Variants in HSP90AA1 observed in about 807,000 individuals in gnomAD.
The protein encoded by HSP90AA1 is heat shock protein 90 alpha family class A member 1, also known as heat shock protein HSP 90-alpha.
HSP90AA1 carries 18 observed loss-of-function variants against 73.3 expected under a neutral mutation model. That is an observed-to-expected ratio of 0.25 (90% CI 0.17 to 0.36). The LOEUF is 0.36. Among genes scored for constraint, HSP90AA1 ranks in the 10% least tolerant of loss-of-function variants. HSP90AA1 has a pLI of 1.00. For missense variants in HSP90AA1, 704 were observed against 874.2 expected (o/e 0.81, Z 2.45); for synonymous variants, 477 against 296.9 (o/e 1.61, Z -6.24).
chr14:102,090,454 C>CTT (rs371474412), upstream of HSP90AA1, among the ~76,000 whole-genome samples: 35 of 118,784 alleles, frequency 2.9e-4, no homozygotes, highest in South Asian at 1.2e-3. Flanking sequence ...CAACATATTT[C>CTT]TTTTTTTTTT....
At chr14:102,125,398 C>T (rs1166611377) in intron 1 of HSP90AA1, among the ~76,000 whole-genome samples, 1 of 152,164 alleles carries the variant, frequency 6.6e-6, no homozygotes, top group African/African-American at 2.4e-5. Context: ...AATATTCTAT[C>T]CTACTAAACT....
intron 1 of HSP90AA1, among the ~76,000 whole-genome samples, chr14:102,122,035 A>G (rs2049783983): frequency 6.6e-6 from 1 of 152,110 alleles, no homozygotes. Flanking sequence ...CTTCAAGATT[A>G]TAAATATATT....
In HSP90AA1 at chr14:102,081,633, T is replaced by G; in HGVS notation, c.*79A>C. On this transcript the variant is annotated 3_prime_UTR_variant, in exon 11 of 11. Coordinates refer to ENST00000216281, the MANE Select transcript of HSP90AA1 (RefSeq NM_005348.4). ...ACAGACTTTTTAATATTAACAAAAA[T>G]AAAGAAAAACATCCTTGAAAATATA... 3 of 796,684 alleles carry G rather than the reference T, an allele frequency of 3.8e-6. No individual in the cohort carries two copies. The highest frequency in any genetic ancestry group is 6.9e-6 in the Non-Finnish European group (3 of 437,044). 49.4% of individuals were successfully genotyped at this position (796,684 alleles called of 1,614,324 possible).
In HSP90AA1 at chr14:102,086,046, T is replaced by G; in HGVS notation, c.241A>C (p.Ile81Leu). The change falls in exon 3 of 11, where the codon ATA becomes CTA. Residue 81 changes from isoleucine (I) to leucine (L), a missense_variant. By Grantham distance (5) the Ile-to-Leu change is conservative. Transcript: ENST00000216281. ...DSGKELHINL[I>L]PNKQDRTLTI... is the part of the protein sequence containing the mutation. ...AGAGTTCGATCTTGTTTGTTCGGTA[T>G]AAGGTTAATATGCAGCTCTTTCCCA... The G allele has an allele frequency of 6.2e-7, 1 of 1,613,972 alleles. No homozygotes were observed. The highest frequency in any genetic ancestry group is 8.5e-7 in the Non-Finnish European group (1 of 1,179,858).
At chr14:102,135,486 C>T (rs1231162462) in intron 1 of HSP90AA1, among the ~76,000 whole-genome samples, 1 of 152,282 alleles carries the variant, frequency 6.6e-6, no homozygotes, top group African/African-American at 2.4e-5. Context: ...GGTGGAGCTG[C>T]CTGCCAGTCC....
chr14:102,100,574 C>T (rs151271234), intron 2 of HSP90AA1, among the ~76,000 whole-genome samples: 231 of 152,254 alleles, frequency 1.5e-3, no homozygotes, highest in African/African-American at 5.2e-3. Flanking sequence ...TACAGGCATG[C>T]ACCATCATGC....
In HSP90AA1 at chr14:102,084,912, TTTCTC is replaced by T; in HGVS notation, c.745_749del (p.Glu249ArgfsTer7). The T allele has an allele frequency of 6.3e-7, 1 of 1,583,220 alleles. No individual in the cohort carries two copies. Among genetic ancestry groups the T allele is most frequent in the Non-Finnish European group, 8.7e-7 (1 of 1,152,414 alleles). ...CAATTTCAGGTTTGTCTTCCGACTC[TTTCTC>T]TTCTTTTTCTTTTTCTTCTTCTTTG... On this transcript the variant is annotated frameshift_variant, in exon 5 of 11. Transcript: ENST00000216281. LOFTEE classifies it high-confidence loss of function.
Position 102,084,925 on chromosome 14 carries a change from TC to T in HSP90AA1, c.736del (p.Glu246LysfsTer71). The T allele has an allele frequency of 6.3e-7, 1 of 1,592,752 alleles. No homozygotes were observed. The highest frequency in any genetic ancestry group is 8.6e-7 in the Non-Finnish European group (1 of 1,160,894). ...GTCTTCCGACTCTTTCTCTTCTTTTTCTTTTTCTTCTTCTTTGTCTTCCTTT... is the reference window on the plus strand; with the variant it reads ...GTCTTCCGACTCTTTCTCTTCTTTTTTTTTTCTTCTTCTTTGTCTTCCTTT... Reference protein sequence around the residue: ...EEKEDKEEEKEKEEKESEDKP... With the variant: ...EEKEDKEEEKXKEEKESEDKP... On this transcript the variant is annotated frameshift_variant, in exon 5 of 11. Transcript: ENST00000216281. LOFTEE classifies it high-confidence loss of function.
chr14:102,139,377 A>C lies in HSP90AA1; in HGVS notation c.28T>G (p.Ser10Ala), dbSNP rs200223984. 1.2e-3 allele frequency: 1,884 copies of C among 1,594,596 alleles called. 3 individuals are homozygous for C. The highest frequency in any genetic ancestry group is 1.5e-3 in the Non-Finnish European group (1,703 of 1,171,370). Reference sequence around the variant, plus strand: ...CGAAGGGAGGGCCCAGGAGGGGTGGAGCCGTCCCCGCCCGAACACGGGGGC... The same window carrying C: ...CGAAGGGAGGGCCCAGGAGGGGTGGCGCCGTCCCCGCCCGAACACGGGGGC... The change falls in exon 1 of 12, where the codon TCC (serine) becomes GCC (alanine). Residue 10 changes from serine to alanine, a missense_variant. By Grantham distance (99) the Ser-to-Ala change is moderately conservative. Coordinates refer to the HSP90AA1 transcript ENST00000334701.
At chr14:102,086,636 G>C (rs1297152717) in intron 1 of HSP90AA1, among the ~76,000 whole-genome samples, 2 of 151,156 alleles carry the variant, frequency 1.3e-5, no homozygotes, top group Non-Finnish European at 3.0e-5. Flanking sequence ...AACACCCCGG[G>C]TGCCCTCCCG....
At chr14:102,127,816 T>A (rs1275611830) in intron 1 of HSP90AA1, among the ~76,000 whole-genome samples, 1 of 152,134 alleles carries the variant, frequency 6.6e-6, no homozygotes, top group East Asian at 1.9e-4. Context: ...CACGCCTGGC[T>A]AACCTTATTT....
intron 1 of HSP90AA1, among the ~76,000 whole-genome samples, chr14:102,105,511 G>C (rs186081723): frequency 6.6e-6 from 1 of 152,156 alleles, no homozygotes; most frequent in African/African-American, 2.4e-5. Flanking sequence ...GGAGGGGACC[G>C]TGTGTGCAAA....
chr14:102,085,400 G>T lies in HSP90AA1; in HGVS notation c.561C>A (p.Ile187=), dbSNP rs753257553. 6.2e-7 allele frequency: 1 copy of T among 1,613,498 alleles called. No individual in the cohort carries two copies. The highest frequency in any genetic ancestry group is 1.7e-5 in the Admixed American group (1 of 59,978). Reference sequence around the variant, plus strand: ...CAGTTTGGTCTTCTTTCAGGTGTAGGATAACTTTTGTTCCACGACCCATAG... The same window carrying T: ...CAGTTTGGTCTTCTTTCAGGTGTAGTATAACTTTTGTTCCACGACCCATAG... The part of the protein sequence containing the change: ...GEPMGRGTKV[I]LHLKEDQTEY... The change falls in exon 4 of 11, where the codon ATC becomes ATA. Residue 187 remains isoleucine, a synonymous_variant. Transcript: ENST00000216281.
intron 1 of HSP90AA1, among the ~76,000 whole-genome samples, chr14:102,118,615 T>C (rs1434748570): frequency 6.6e-6 from 1 of 152,140 alleles, no homozygotes; most frequent in Non-Finnish European, 1.5e-5. Flanking sequence ...TCCTATTTAT[T>C]GAACATTCAT....
intron 2 of HSP90AA1, among the ~76,000 whole-genome samples, chr14:102,094,516 G>C (rs545599349): frequency 6.6e-6 from 1 of 152,322 alleles, no homozygotes; most frequent in South Asian, 2.1e-4. Flanking sequence ...GGTGCTGGCT[G>C]TGGGGAGGGA....
chr14:102,112,478 CT>C (rs967041995), intron 1 of HSP90AA1, among the ~76,000 whole-genome samples: 5 of 148,626 alleles, frequency 3.4e-5, no homozygotes, highest in African/African-American at 4.9e-5. Flanking sequence ...CTGGCTCTCC[CT>C]TTTTTTTTGT....
intron 2 of HSP90AA1, among the ~76,000 whole-genome samples, chr14:102,094,268 G>A (rs1017765281): frequency 3.9e-5 from 6 of 152,204 alleles, no homozygotes; most frequent in Admixed American, 1.3e-4. Flanking sequence ...AAAATGTCTG[G>A]CCACATTGAT....
intron 6 of HSP90AA1, 118 bp from the exon 7 acceptor site, chr14:102,084,101 ACT>A (rs1431240767): frequency 1.2e-5 from 10 of 866,422 alleles, no homozygotes; most frequent in African/African-American, 1.7e-5. Flanking sequence ...AGACAGTCTC[ACT>A]CTGTTGCCCA....
intron 1 of HSP90AA1, among the ~76,000 whole-genome samples, chr14:102,102,284 G>C (rs962799996): frequency 1.3e-5 from 2 of 152,206 alleles, no homozygotes; most frequent in African/African-American, 2.4e-5. Context: ...CAGGGTCCCA[G>C]TAAGGAGCTG....
Sources: allele counts gnomAD v4.1 joint callset (sites outside exome capture counted in the v4.1 genomes callset), GRCh38; gene constraint gnomAD v4.1.1; transcripts MANE v1.5; gene names NCBI Gene and HGNC (gene_info 2026-07-23, HGNC 2026-07-21).